LRP1B: variants seen among roughly 807,000 people sequenced by gnomAD.
The protein encoded by LRP1B is LDL receptor related protein 1B.
LRP1B carries 217 observed loss-of-function variants against 556.6 expected under a neutral mutation model. The observed-to-expected ratio is 0.39, with a 90% confidence interval of 0.35 to 0.44. The LOEUF (loss-of-function observed/expected upper bound fraction) is 0.44. LRP1B is among the 20% of genes least tolerant of loss of function. The pLI, the probability that LRP1B is intolerant of heterozygous loss-of-function variation, is 1.00. For missense variants in LRP1B, 5,053 were observed against 5,620.8 expected (o/e 0.90, Z 3.23); for synonymous variants, 2,047 against 1,865.8 (o/e 1.10, Z -2.50).
At position 140,638,377 on chromosome 2, in the gene LRP1B, A is replaced by T. The variant is rs115440967; in HGVS notation, c.6800-36738T>A. The stretch of plus-strand genomic sequence containing the variant: ...CTTTCTTACCCCCAATTTAAAAAAG[A>T]CAAGCCATAGACAATTCAGGTAATT... On this transcript the variant is annotated intron_variant, in intron 41 of 90. Coordinates refer to ENST00000389484, the MANE Select transcript of LRP1B (RefSeq NM_018557.3). Among the ~76,000 whole-genome samples, 451 of 152,348 alleles carry T rather than the reference A, an allele frequency of 3.0e-3. 1 individual carries two copies. Among genetic ancestry groups the T allele is most frequent in the African/African-American group, 1.0e-2 (415 of 41,576 alleles).
At chr2:141,432,246 C>G (rs1680588041) in intron 3 of LRP1B, among the ~76,000 whole-genome samples, 1 of 152,040 alleles carries the variant, frequency 6.6e-6, no homozygotes, top group African/African-American at 2.4e-5. Flanking sequence ...TTAATATTAA[C>G]ACTAATTTTC....
chr2:141,254,044 A>G (rs1482540117), intron 4 of LRP1B, among the ~76,000 whole-genome samples: 1 of 152,118 alleles, frequency 6.6e-6, no homozygotes, highest in African/African-American at 2.4e-5. Flanking sequence ...CACAAAAGCA[A>G]GAATCCAGAC....
chr2:140,377,291 G>T (rs1371086741), intron 68 of LRP1B, among the ~76,000 whole-genome samples: 1 of 152,094 alleles, frequency 6.6e-6, no homozygotes, highest in Non-Finnish European at 1.5e-5. Flanking sequence ...TGGCCAGGAT[G>T]GTCTTGTCCT....
intron 58 of LRP1B, among the ~76,000 whole-genome samples, 197 bp downstream of exon 58, chr2:140,487,420 T>C (rs1429328045): frequency 6.6e-6 from 1 of 151,942 alleles, no homozygotes; most frequent in Non-Finnish European, 1.5e-5. Context: ...TTGCAAGTAA[T>C]AGTGTTATAA....
At chr2:141,019,745 C>G (rs762838145) in intron 12 of LRP1B, among the ~76,000 whole-genome samples, 177 bp downstream of exon 12, 1 of 151,924 alleles carries the variant, frequency 6.6e-6, no homozygotes, top group Non-Finnish European at 1.5e-5. Flanking sequence ...TGACATGTTT[C>G]TTTAGTACAT....
intron 32 of LRP1B, among the ~76,000 whole-genome samples, chr2:140,805,171 C>T (rs1228882401): frequency 1.3e-5 from 2 of 152,080 alleles, no homozygotes; most frequent in Non-Finnish European, 2.9e-5. Context: ...TTTGACTGAT[C>T]CCCATAGTAG....
chr2:140,932,915 A>ACACACACACACT (rs1695094919), intron 20 of LRP1B, among the ~76,000 whole-genome samples: 1 of 149,118 alleles, frequency 6.7e-6, no homozygotes, highest in Non-Finnish European at 1.5e-5. Flanking sequence ...ACACACACAC[A>ACACACACACACT]CATATATATG....
intron 7 of LRP1B, among the ~76,000 whole-genome samples, chr2:141,123,248 AAATAAAT>A (rs1701110797): frequency 9.2e-5 from 13 of 140,662 alleles, no homozygotes; most frequent in East Asian, 2.4e-4. Flanking sequence ...TAATAAAAAA[AAATAAAT>A]AAATAAATAA....
chr2:140,468,029 G>A (rs909643207), intron 60 of LRP1B, among the ~76,000 whole-genome samples: 4 of 152,198 alleles, frequency 2.6e-5, no homozygotes, highest in African/African-American at 9.7e-5. Context: ...ATGGGTGGAA[G>A]CCAGGTGCTA....
intron 1 of LRP1B, among the ~76,000 whole-genome samples, chr2:142,056,107 C>T (rs146627924): frequency 2.0e-5 from 3 of 152,076 alleles, no homozygotes; most frequent in South Asian, 2.1e-4. Context: ...GCCGAGACTG[C>T]GCCACTGCAC....
At chr2:141,554,308 CTATAGGAATAGA>C (rs1281068405) in intron 2 of LRP1B, among the ~76,000 whole-genome samples, 1 of 143,972 alleles carries the variant, frequency 6.9e-6, no homozygotes. Context: ...TTATATATAT[CTATAGGAATAGA>C]CATAGATATA....
chr2:140,881,541 A>G (rs954475753), intron 25 of LRP1B, among the ~76,000 whole-genome samples: 4 of 151,590 alleles, frequency 2.6e-5, no homozygotes. Context: ...AAAATCTGTC[A>G]ACCTTCCAGT....
intron 16 of LRP1B, among the ~76,000 whole-genome samples, chr2:140,991,099 T>A (rs1697079888): frequency 6.6e-6 from 1 of 152,148 alleles, no homozygotes; most frequent in South Asian, 2.1e-4. Flanking sequence ...TATTTGAGCA[T>A]GATTTACATT....
At chr2:141,470,763 T>G (rs1682431890) in intron 3 of LRP1B, among the ~76,000 whole-genome samples, 1 of 152,142 alleles carries the variant, frequency 6.6e-6, no homozygotes, top group African/African-American at 2.4e-5. Flanking sequence ...ACAGTTGAGG[T>G]CGAGTAGAGA....
chr2:141,117,411 T>C (rs1162095327), intron 7 of LRP1B, among the ~76,000 whole-genome samples: 2 of 151,932 alleles, frequency 1.3e-5, no homozygotes, highest in African/African-American at 2.4e-5. Flanking sequence ...GAATCAGATA[T>C]CAAGGGACAG....
chr2:141,742,864 C>A (rs1395825849), intron 2 of LRP1B, among the ~76,000 whole-genome samples: 2 of 152,052 alleles, frequency 1.3e-5, no homozygotes, highest in Non-Finnish European at 2.9e-5. Context: ...ATTTTATTTG[C>A]AGCTATTATA....
chr2:140,977,146 C>T (rs964593489), intron 18 of LRP1B, among the ~76,000 whole-genome samples: 27 of 152,208 alleles, frequency 1.8e-4, no homozygotes, highest in Admixed American at 1.6e-3. Flanking sequence ...TGAATTCCCA[C>T]GTGTTGTGAA....
At chr2:140,406,625 T>G (rs1037825353) in intron 66 of LRP1B, among the ~76,000 whole-genome samples, 1 of 152,114 alleles carries the variant, frequency 6.6e-6, no homozygotes, top group Middle Eastern at 3.4e-3. Context: ...CCTATGAATA[T>G]ACTTAATAAA....
intron 43 of LRP1B, among the ~76,000 whole-genome samples, chr2:140,579,837 ATC>A (rs899916941): frequency 2.0e-5 from 3 of 152,150 alleles, no homozygotes; most frequent in Non-Finnish European, 2.9e-5. Context: ...GTGAGACTCC[ATC>A]TCAAAAAATA....
Sources: gnomAD v4.1 joint callset for allele counts (sites outside exome capture counted in the v4.1 genomes callset) on GRCh38, gnomAD v4.1.1 for gene constraint, MANE v1.5 for transcripts, NCBI Gene and HGNC (gene_info 2026-07-23, HGNC 2026-07-21) for gene names.